Variants in NPSR1 observed in about 807,000 individuals in gnomAD.
NPSR1 encodes the protein neuropeptide S receptor.
Under a neutral mutation model 46.9 loss-of-function variants are expected in NPSR1, and 48 were observed. That is an observed-to-expected ratio of 1.02 (90% CI 0.81 to 1.30). The LOEUF (loss-of-function observed/expected upper bound fraction) is 1.30, where lower values mean the gene tolerates loss of function less well. Ranked by LOEUF, NPSR1 falls within the 50% of genes most tolerant of loss-of-function variation. The probability of loss-of-function intolerance (pLI) is 0.00; values close to 1 mark genes in which losing one functional copy is unlikely to be tolerated. For missense variants in NPSR1, 450 were observed against 449.5 expected (o/e 1.00, Z -0.01); for synonymous variants, 176 against 168.1 (o/e 1.05, Z -0.36).
chr7:34,840,059 T>C (rs1321219953), intron 6 of NPSR1, among the ~76,000 whole-genome samples: 1 of 151,988 alleles, frequency 6.6e-6, no homozygotes, highest in East Asian at 1.9e-4. Context: ...GGTGCTGAGG[T>C]ATAGAAAGGG....
At chr7:34,742,812 G>A (rs913584751) in intron 2 of NPSR1, among the ~76,000 whole-genome samples, 1 of 152,100 alleles carries the variant, frequency 6.6e-6, no homozygotes, top group Non-Finnish European at 1.5e-5. Context: ...AACGTCACCA[G>A]CATCTGTTAT....
chr7:34,751,344 T>C lies in NPSR1; in HGVS notation c.281-27118T>C, dbSNP rs976957982. The C allele has an allele frequency of 5.9e-6, 6 of 1,020,810 alleles. No homozygotes were observed. In the African/African-American group the frequency reaches 7.8e-5, roughly 13 times the overall value. 63.2% of individuals were successfully genotyped at this position (1,020,810 alleles called of 1,614,324 possible). On this transcript the variant is annotated intron_variant, in intron 2 of 8. Coordinates refer to ENST00000360581, the MANE Select transcript of NPSR1 (RefSeq NM_207172.2). The stretch of plus-strand genomic sequence containing the variant: ...TCATGCAGAACTTGCCAAGGGTAGG[T>C]GAAGCAGCTGCAGAGAGGTCTGGGT...
At position 34,684,729 on chromosome 7, in the gene NPSR1, C is replaced by G. The variant is rs1290766625; in HGVS notation, c.280+45C>G. The G allele has an allele frequency of 2.1e-6, 3 of 1,455,982 alleles. No homozygotes were observed. In the African/African-American group the frequency reaches 4.4e-5, roughly 21 times the overall value. The allele number at this position is 1,455,982 out of a possible 1,614,324, so 90.2% of individuals were successfully genotyped here. On this transcript the variant is annotated intron_variant, in intron 2 of 8. Transcript: ENST00000360581. ...AGAGGCAGGAAGCTATATGTGAAGT[C>G]CCTATGGCTTCCTGCTTTTAATGAA...
At chr7:34,811,719 C>G in intron 3 of NPSR1, 51 bp from the exon 4 acceptor site, 27 of 1,273,092 alleles carry the variant, frequency 2.1e-5, no homozygotes, top group Non-Finnish European at 2.7e-5. Flanking sequence ...CCATTATGTG[C>G]CTTCCCTCAC....
chr7:34,727,213 G>T (rs1784201576), intron 2 of NPSR1, among the ~76,000 whole-genome samples: 2 of 152,086 alleles, frequency 1.3e-5, no homozygotes, highest in South Asian at 4.2e-4. Context: ...ATGCATATTT[G>T]CCAATTATAT....
intron 3 of NPSR1, among the ~76,000 whole-genome samples, chr7:34,798,690 T>C (rs1788313089): frequency 6.6e-6 from 1 of 152,192 alleles, no homozygotes; most frequent in Admixed American, 6.5e-5. Context: ...ATCAAACTTA[T>C]ATGCGATTTC....
chr7:34,683,380 G>C (rs1463185010), intron 1 of NPSR1, among the ~76,000 whole-genome samples: 1 of 151,124 alleles, frequency 6.6e-6, no homozygotes, highest in Non-Finnish European at 1.5e-5. Context: ...CTGGGAGGCA[G>C]AGCTTGCAGT....
intron 8 of NPSR1, among the ~76,000 whole-genome samples, chr7:34,872,062 T>A (rs1380379503): frequency 6.6e-6 from 1 of 151,992 alleles, no homozygotes; most frequent in Non-Finnish European, 1.5e-5. Flanking sequence ...GGCTCCACCC[T>A]GCAACAGGCT....
At chr7:34,872,239 C>T (rs1190255923) in intron 8 of NPSR1, among the ~76,000 whole-genome samples, 4 of 151,988 alleles carry the variant, frequency 2.6e-5, no homozygotes, top group African/African-American at 9.7e-5. Context: ...CCCTTTGAGT[C>T]ATGCCTGAAG....
At chr7:34,811,975 T>G in intron 4 of NPSR1, 112 bp downstream of exon 4, 1 of 673,272 alleles carries the variant, frequency 1.5e-6, no homozygotes, top group Non-Finnish European at 2.6e-6. Context: ...CCTCTTTCCT[T>G]CTCTTTCTTC....
intron 2 of NPSR1, among the ~76,000 whole-genome samples, chr7:34,760,046 CTAATA>C (rs1363966592): frequency 6.6e-6 from 1 of 152,190 alleles, no homozygotes; most frequent in Non-Finnish European, 1.5e-5. Context: ...TAGTGAGAAT[CTAATA>C]TATTAGACTG....
intron 2 of NPSR1, among the ~76,000 whole-genome samples, chr7:34,688,055 C>T (rs554518363): frequency 6.6e-6 from 1 of 152,246 alleles, no homozygotes; most frequent in African/African-American, 2.4e-5. Context: ...TCCAGGGTTT[C>T]CATTGGTACT....
Position 34,772,272 on chromosome 7 carries a change from T to G in NPSR1, c.281-6190T>G, listed in dbSNP as rs34318976. 4.0e-3 allele frequency among the ~76,000 whole-genome samples: 607 copies of G among 152,252 alleles called. 4 individuals carry two copies. Among genetic ancestry groups the G allele is most frequent in the African/African-American group, 0.014 (581 of 41,552 alleles). On this transcript the variant is annotated intron_variant, in intron 2 of 8. Coordinates refer to ENST00000360581, the MANE Select transcript of NPSR1 (RefSeq NM_207172.2). ...TGTGACTTTCCATTTTTACTATTGC[T>G]CTTTAGCAGAAACATAGCAATAAAA...
At chr7:34,750,213 C>A in intron 2 of NPSR1, 1 of 553,686 alleles carries the variant, frequency 1.8e-6, no homozygotes, top group South Asian at 1.9e-5. Context: ...TACAAGTTAC[C>A]CTGCACAGGG....
intron 3 of NPSR1, among the ~76,000 whole-genome samples, chr7:34,784,629 ATTG>A (rs201882520): frequency 0.011 from 1,601 of 152,256 alleles, 45 homozygotes; most frequent in African/African-American, 0.037. Flanking sequence ...CATCAAGGAT[ATTG>A]GTCTAAAATT....
At chr7:34,726,875 T>C (rs1284336153) in intron 2 of NPSR1, among the ~76,000 whole-genome samples, 3 of 151,622 alleles carry the variant, frequency 2.0e-5, no homozygotes, top group Non-Finnish European at 4.4e-5. Context: ...GAGGGATTAA[T>C]CAGCAGAGCA....
intron 3 of NPSR1, among the ~76,000 whole-genome samples, chr7:34,790,369 C>T (rs1787674938): frequency 1.3e-5 from 2 of 151,860 alleles, no homozygotes; most frequent in East Asian, 3.9e-4. Context: ...AAGAGAAGTG[C>T]TTCAACAAAT....
chr7:34,839,248 C>T lies in NPSR1; in HGVS notation c.757+4788C>T, dbSNP rs539226955. On this transcript the variant is annotated intron_variant, in intron 6 of 8. Coordinates refer to ENST00000360581, the MANE Select transcript of NPSR1 (RefSeq NM_207172.2). ...ATAGTAAGGTTCAATATCATAAAGA[C>T]GTTGAATCTCCCCAGCTGATCTACA... Among the ~76,000 whole-genome samples the T allele has an allele frequency of 5.9e-5, 9 of 152,236 alleles. No individual in the cohort carries two copies. In the South Asian group the frequency reaches 6.2e-4, roughly 11 times the overall value.
rs927227667 is a variant in NPSR1, at chr7:34,790,023, G to A, written c.384+11458G>A. ...AAAAAGTGTTTACTTCCAAACTCATGTTACAAAGTCAGCATTACTCTGATA... is the reference window on the plus strand; with the variant it reads ...AAAAAGTGTTTACTTCCAAACTCATATTACAAAGTCAGCATTACTCTGATA... On this transcript the variant is annotated intron_variant, in intron 3 of 8. Transcript: ENST00000360581. Among the ~76,000 whole-genome samples, 4 of 152,156 alleles carry A rather than the reference G, an allele frequency of 2.6e-5. No individual in the cohort carries two copies. In the East Asian group the frequency reaches 7.7e-4, roughly 29 times the overall value.
Sources: allele counts gnomAD v4.1 joint callset (sites outside exome capture counted in the v4.1 genomes callset), GRCh38; gene constraint gnomAD v4.1.1; transcripts MANE v1.5; gene names NCBI Gene and HGNC (gene_info 2026-07-23, HGNC 2026-07-21).